Variants in PEAK1 observed in about 807,000 individuals in gnomAD.
PEAK1 encodes the protein pseudopodium enriched atypical kinase 1.
A neutral mutation model predicts 124.7 loss-of-function variants in PEAK1; 54 were observed. That is an observed-to-expected ratio of 0.43 (90% CI 0.35 to 0.54). The LOEUF is 0.54. Among genes scored for constraint, PEAK1 ranks in the 20% least tolerant of loss-of-function variants. The probability of loss-of-function intolerance (pLI) is 0.01; values close to 1 mark genes in which losing one functional copy is unlikely to be tolerated. For missense variants in PEAK1, 2,046 were observed against 2,134.5 expected (o/e 0.96, Z 0.82); for synonymous variants, 719 against 760.0 (o/e 0.95, Z 0.89).
At chr15:77,279,833 T>C (rs2062564407) in intron 5 of PEAK1, among the ~76,000 whole-genome samples, 1 of 152,146 alleles carries the variant, frequency 6.6e-6, no homozygotes, top group Non-Finnish European at 1.5e-5. Flanking sequence ...CTGGATACAG[T>C]TTAGCTAGGA....
chr15:77,345,875 A>G (rs940396780), intron 2 of PEAK1: 3 of 957,862 alleles, frequency 3.1e-6, no homozygotes, highest in South Asian at 4.8e-5. Context: ...CAACAATTAC[A>G]TATCAATAAG....
intron 2 of PEAK1, among the ~76,000 whole-genome samples, chr15:77,357,059 G>A (rs2067563822): frequency 6.6e-6 from 1 of 152,204 alleles, no homozygotes. Flanking sequence ...CTGAGCCCAG[G>A]AGTTCAAGAT....
Position 77,178,983 on chromosome 15 carries a change from T to C in PEAK1, c.2944A>G (p.Ser982Gly). ...HWFTEAKGESSEKPAIVFMYR... is the reference protein window; with the variant it reads ...HWFTEAKGESGEKPAIVFMYR... ...ATGAAGACAATGGCTGGTTTCTCAC[T>C]GGACTCTCCTTTCGCCTCTGTGAAC... Residue 982 changes from serine (S) to glycine (G), a missense_variant, in exon 7 of 10, where the codon AGT becomes GGT. Ser to Gly is a moderately conservative substitution (Grantham distance 56). Coordinates refer to ENST00000682557, the MANE Select transcript of PEAK1 (RefSeq NM_001385026.1). 1 of 1,614,104 alleles carries C rather than the reference T, an allele frequency of 6.2e-7. No individual in the cohort carries two copies. Among genetic ancestry groups the C allele is most frequent in the Non-Finnish European group, 8.5e-7 (1 of 1,180,014 alleles).
In PEAK1 at chr15:77,111,543, T is replaced by C. The variant is rs555597626; in HGVS notation, c.*2613A>G. On this transcript the variant is annotated 3_prime_UTR_variant, in exon 10 of 10. Coordinates refer to ENST00000682557, the MANE Select transcript of PEAK1 (RefSeq NM_001385026.1). ...CTCTGGGAAGCCTGAGGCTTTTCTC[T>C]GGCTAGTTTGCATTCATCTTTTGCC... 6.6e-6 allele frequency: 1 copy of C among 152,344 alleles called. No homozygotes were observed. Among genetic ancestry groups the C allele is most frequent in the Non-Finnish European group, 1.5e-5 (1 of 68,030 alleles). 9.4% of individuals were successfully genotyped at this position (152,344 alleles called of 1,614,324 possible).
intron 5 of PEAK1, among the ~76,000 whole-genome samples, chr15:77,264,081 A>C: frequency 6.6e-6 from 1 of 152,202 alleles, no homozygotes; most frequent in Non-Finnish European, 1.5e-5. Flanking sequence ...CTCTCAATAA[A>C]TTAGGTATTG....
chr15:77,261,471 G>A (rs2061436776), intron 5 of PEAK1, among the ~76,000 whole-genome samples: 3 of 152,276 alleles, frequency 2.0e-5, no homozygotes, highest in African/African-American at 4.8e-5. Context: ...ACTATGTGAT[G>A]AATGCACGAG....
Position 77,420,063 on chromosome 15 carries a change from C to G in PEAK1, c.-723G>C, listed in dbSNP as rs2073257772. 6.6e-6 allele frequency: 1 copy of G among 150,666 alleles called. No individual in the cohort carries two copies. The highest frequency in any genetic ancestry group is 2.0e-4 in the South Asian group (1 of 5,064). The allele number at this position is 150,666 out of a possible 1,614,324, so 9.3% of individuals were successfully genotyped here. A position where few individuals can be genotyped will look rare whatever the true frequency, so the allele number is the denominator to read the frequency against. Reference sequence around the variant, plus strand: ...CATCACCGTCCGTCCCGTCCCCTTCCTGGTGACCACGGCCGCCGCCGCCGA... The same window carrying G: ...CATCACCGTCCGTCCCGTCCCCTTCGTGGTGACCACGGCCGCCGCCGCCGA... On this transcript the variant is annotated 5_prime_UTR_variant, in exon 1 of 10. Coordinates refer to ENST00000682557, the MANE Select transcript of PEAK1 (RefSeq NM_001385026.1).
At chr15:77,168,545 T>TA (rs1165922159) in intron 7 of PEAK1, among the ~76,000 whole-genome samples, 1 of 152,218 alleles carries the variant, frequency 6.6e-6, no homozygotes, top group Non-Finnish European at 1.5e-5. Flanking sequence ...ATAACTTATT[T>TA]TACAGAAACA....
chr15:77,417,012 C>G (rs2072933524), intron 1 of PEAK1, among the ~76,000 whole-genome samples: 6 of 151,702 alleles, frequency 4.0e-5, no homozygotes, highest in Admixed American at 3.3e-4. Context: ...ATGTACTTTC[C>G]CTCTTTCTGG....
intron 5 of PEAK1, among the ~76,000 whole-genome samples, chr15:77,262,689 A>G (rs1170571655): frequency 6.6e-6 from 1 of 152,024 alleles, no homozygotes; most frequent in Non-Finnish European, 1.5e-5. Context: ...CATTAGACAG[A>G]CCAACGAGAC....
chr15:77,127,569 A>G (rs1041775409), intron 9 of PEAK1, among the ~76,000 whole-genome samples: 4 of 152,362 alleles, frequency 2.6e-5, no homozygotes, highest in Non-Finnish European at 4.4e-5. Context: ...AATCCTTGTC[A>G]TAACGTGGCA....
chr15:77,243,523 C>A (rs1358024708), intron 6 of PEAK1, among the ~76,000 whole-genome samples: 1 of 152,148 alleles, frequency 6.6e-6, no homozygotes, highest in Non-Finnish European at 1.5e-5. Flanking sequence ...CAGTAGGTGG[C>A]ACAGTTATTT....
At position 77,301,403 on chromosome 15, in the gene PEAK1, C is replaced by A. The variant is rs570914932; in HGVS notation, c.-602-14899G>T. Reference sequence around the variant, plus strand: ...CTTAATGTAAAGACATCTGCAGAGGCACTTTTTACAAATAAGATCACGTTC... The same window carrying A: ...CTTAATGTAAAGACATCTGCAGAGGAACTTTTTACAAATAAGATCACGTTC... On this transcript the variant is annotated intron_variant, in intron 2 of 9. Transcript: ENST00000682557. 2.6e-3 allele frequency among the ~76,000 whole-genome samples: 403 copies of A among 152,276 alleles called. 3 individuals are homozygous for A. Among genetic ancestry groups the A allele is most frequent in the African/African-American group, 9.5e-3 (393 of 41,546 alleles).
chr15:77,151,792 G>C (rs1025176688), intron 8 of PEAK1, among the ~76,000 whole-genome samples: 8 of 152,228 alleles, frequency 5.3e-5, no homozygotes, highest in African/African-American at 1.9e-4. Flanking sequence ...GCTTGTTTTT[G>C]TCAGGTTTGT....
At chr15:77,229,616 T>C (rs1444037219) in intron 6 of PEAK1, among the ~76,000 whole-genome samples, 1 of 152,010 alleles carries the variant, frequency 6.6e-6, no homozygotes, top group African/African-American at 2.4e-5. Context: ...GTTACATGCA[T>C]TCCTCTTCTT....
At chr15:77,343,777 C>G (rs759280508) in intron 2 of PEAK1, among the ~76,000 whole-genome samples, 2 of 152,066 alleles carry the variant, frequency 1.3e-5, no homozygotes, top group African/African-American at 4.8e-5. Context: ...TGAGAAACCG[C>G]GCCGGCCTTA....
chr15:77,375,892 G>A (rs1352124670), intron 1 of PEAK1, among the ~76,000 whole-genome samples: 9 of 151,956 alleles, frequency 5.9e-5, no homozygotes, highest in Non-Finnish European at 1.2e-4. Flanking sequence ...CCAGCTACTC[G>A]GGAGGCTGAG....
chr15:77,181,407 C>T lies in PEAK1; in HGVS notation c.520G>A (p.Glu174Lys), dbSNP rs747115551. The change falls in exon 7 of 10, where the codon GAA (glutamate) becomes AAA (lysine). Residue 174 changes from glutamate to lysine, a missense_variant. Coordinates refer to ENST00000682557, the MANE Select transcript of PEAK1 (RefSeq NM_001385026.1). The stretch of plus-strand genomic sequence containing the variant: ...TCATTTATTCTTCCCAAGAATGTTT[C>T]TCTGGAGTTTGTTTCATTTCCTCTT... ...QIRGNETNSR[E>K]TFLGRINDCY... The T allele has an allele frequency of 2.1e-5, 34 of 1,614,012 alleles. No individual in the cohort carries two copies. The highest frequency in any genetic ancestry group is 1.6e-4 in the Middle Eastern group (1 of 6,084).
intron 2 of PEAK1, among the ~76,000 whole-genome samples, chr15:77,354,533 AT>A (rs1367749093): frequency 6.6e-6 from 1 of 152,134 alleles, no homozygotes; most frequent in Non-Finnish European, 1.5e-5. Context: ...AGAGCTCCCA[AT>A]CAAAACCCTT....
Sources: allele counts gnomAD v4.1 joint callset (sites outside exome capture counted in the v4.1 genomes callset), GRCh38; gene constraint gnomAD v4.1.1; transcripts MANE v1.5; gene names NCBI Gene and HGNC (gene_info 2026-07-23, HGNC 2026-07-21).